GOLGA4: variants seen among roughly 807,000 people sequenced by gnomAD.
GOLGA4 encodes golgin A4.
Under a neutral mutation model 265.9 loss-of-function variants are expected in GOLGA4, and 169 were observed. The ratio of observed to expected loss-of-function variants is 0.64; its 90% CI spans 0.56 to 0.72. The LOEUF is 0.72. GOLGA4 is among the 30% of genes least tolerant of loss of function. The pLI is 0.00. For synonymous variants in GOLGA4, 923 were observed against 855.8 expected (o/e 1.08, Z -1.37); for missense variants, 2,482 against 2,483.4 (o/e 1.00, Z 0.01).
chr3:37,258,928 A>T (rs1489402641), intron 2 of GOLGA4, among the ~76,000 whole-genome samples: 1 of 152,012 alleles, frequency 6.6e-6, no homozygotes, highest in Non-Finnish European at 1.5e-5. Context: ...TTCATAAGAG[A>T]TGCTGGTCTG....
At chr3:37,328,233 GACACACACACAC>G (rs4021346) in intron 14 of GOLGA4, among the ~76,000 whole-genome samples, 171 bp from the exon 15 acceptor site, 11 of 138,530 alleles carry the variant, frequency 7.9e-5, no homozygotes, top group South Asian at 7.3e-4. Flanking sequence ...TATGTACCTG[GACACACACACAC>G]ACACACACAC....
At chr3:37,255,972 C>T (rs1244112889) in intron 2 of GOLGA4, among the ~76,000 whole-genome samples, 1 of 152,088 alleles carries the variant, frequency 6.6e-6, no homozygotes, top group African/African-American at 2.4e-5. Context: ...AAATCCAAGC[C>T]AGTCACAGTG....
chr3:37,288,516 GC>G (rs1314034169), intron 4 of GOLGA4, among the ~76,000 whole-genome samples: 1 of 148,580 alleles, frequency 6.7e-6, no homozygotes, highest in African/African-American at 2.5e-5. Flanking sequence ...TTGCTCTTTC[GC>G]CCAGGCTGGA....
intron 2 of GOLGA4, among the ~76,000 whole-genome samples, chr3:37,271,207 A>C (rs1389893192): frequency 6.6e-6 from 1 of 151,700 alleles, no homozygotes; most frequent in Non-Finnish European, 1.5e-5. Flanking sequence ...ACAGGCTATG[A>C]GTTGATACTG....
chr3:37,339,256 A>G (rs1372288381), intron 19 of GOLGA4, among the ~76,000 whole-genome samples: 1 of 152,228 alleles, frequency 6.6e-6, no homozygotes, highest in East Asian at 1.9e-4. Flanking sequence ...TGGCTGAATA[A>G]TATACCATCG....
At chr3:37,295,279 G>A (rs1171619101) in intron 6 of GOLGA4, among the ~76,000 whole-genome samples, 1 of 151,948 alleles carries the variant, frequency 6.6e-6, no homozygotes, top group Non-Finnish European at 1.5e-5. Context: ...GTGCAGTGGC[G>A]TGATCATAGC....
chr3:37,313,712 C>A (rs572942549), intron 10 of GOLGA4, among the ~76,000 whole-genome samples: 1 of 152,134 alleles, frequency 6.6e-6, no homozygotes, highest in Non-Finnish European at 1.5e-5. Context: ...ATACAACCCA[C>A]ATATATGTAC....
At chr3:37,292,579 G>T (rs542745728) in intron 5 of GOLGA4, among the ~76,000 whole-genome samples, 1 of 152,194 alleles carries the variant, frequency 6.6e-6, no homozygotes, top group African/African-American at 2.4e-5. Flanking sequence ...CCAGCTACTC[G>T]GTAGGCTGAG....
At chr3:37,328,267 C>CAT (rs2096978582) in intron 14 of GOLGA4, 149 bp from the exon 15 acceptor site, 2 of 699,374 alleles carry the variant, frequency 2.9e-6, no homozygotes, top group South Asian at 3.5e-5. Context: ...CACACACACA[C>CAT]ACTCACTCTC....
At chr3:37,270,955 G>A (rs1013141345) in intron 2 of GOLGA4, among the ~76,000 whole-genome samples, 1 of 151,868 alleles carries the variant, frequency 6.6e-6, no homozygotes, top group Non-Finnish European at 1.5e-5. Flanking sequence ...GGTCCCTTCT[G>A]AGGGTGATGG....
intron 6 of GOLGA4, 67 bp downstream of exon 6, chr3:37,295,144 A>G (rs745854443): frequency 4.0e-5 from 36 of 904,096 alleles, no homozygotes; most frequent in South Asian, 3.1e-4. Flanking sequence ...TTTGATTTGG[A>G]TATCTGCAAG....
At position 37,327,496 on chromosome 3, in the gene GOLGA4, T is replaced by C; in HGVS notation, c.5610T>C (p.His1870=). Residue 1870 remains histidine (H), a synonymous_variant, in exon 14 of 24, where the codon CAT becomes CAC. Coordinates refer to ENST00000361924, the MANE Select transcript of GOLGA4 (RefSeq NM_002078.5). ...GCTTAGTAAGACAGAAAGAAGTACA[T>C]AGAGTTGAAATGGAAGAGTTGACCT... ...DSCLVRQKEV[H]RVEMEELTSK... is the part of the protein sequence containing the mutation. 6.2e-7 allele frequency: 1 copy of C among 1,613,132 alleles called. No individual in the cohort carries two copies. Among genetic ancestry groups the C allele is most frequent in the Non-Finnish European group, 8.5e-7 (1 of 1,179,286 alleles).
Position 37,326,933 on chromosome 3 carries a change from G to T in GOLGA4, c.5047G>T (p.Glu1683Ter). 1 of 1,613,864 alleles carries T rather than the reference G, an allele frequency of 6.2e-7. No individual in the cohort carries two copies. ...GAGTGAGCTAAATACAAAATTGCAG[G>T]AAAGAGAAAGGGAAGTTCACATCTT... ...HLSELNTKLQ[E>*]REREVHILEE... The change falls in exon 14 of 24, where the codon GAA (glutamate) becomes TAA (stop). Residue 1683 changes from glutamate (E) to a stop codon, truncating the protein, a stop_gained. Coordinates refer to ENST00000361924, the MANE Select transcript of GOLGA4 (RefSeq NM_002078.5). LOFTEE classifies it high-confidence loss of function.
chr3:37,293,033 A>T (rs1345279780), intron 5 of GOLGA4, among the ~76,000 whole-genome samples: 2 of 152,252 alleles, frequency 1.3e-5, no homozygotes, highest in Non-Finnish European at 2.9e-5. Flanking sequence ...TTGAGAATTA[A>T]TAAGTTTGAA....
chr3:37,339,139 G>C (rs545906221), intron 19 of GOLGA4, among the ~76,000 whole-genome samples: 83 of 152,262 alleles, frequency 5.5e-4, no homozygotes, highest in African/African-American at 1.9e-3. Context: ...TGGGATTACA[G>C]GCATGAGCCA....
At chr3:37,280,535 C>T (rs944938696) in intron 2 of GOLGA4, among the ~76,000 whole-genome samples, 1 of 152,152 alleles carries the variant, frequency 6.6e-6, no homozygotes, top group Non-Finnish European at 1.5e-5. Context: ...TGAAAAAAAT[C>T]TGAAATCCAA....
chr3:37,267,373 A>G (rs529182708), intron 2 of GOLGA4, among the ~76,000 whole-genome samples: 1 of 152,380 alleles, frequency 6.6e-6, no homozygotes, highest in East Asian at 1.9e-4. Flanking sequence ...ATTAAACAGC[A>G]TTGAATAGGT....
At chr3:37,305,291 A>G (rs1182700351) in intron 10 of GOLGA4, among the ~76,000 whole-genome samples, 1 of 152,164 alleles carries the variant, frequency 6.6e-6, no homozygotes, top group African/African-American at 2.4e-5. Context: ...GCTTTTATAG[A>G]TTTCTTAAAA....
intron 2 of GOLGA4, among the ~76,000 whole-genome samples, chr3:37,275,351 GTGGGAAC>G (rs202065359): frequency 0.022 from 3,293 of 151,560 alleles, 94 homozygotes; most frequent in African/African-American, 0.064. Context: ...TGGTCAGGTT[GTGGGAAC>G]AGCCCAAGTC....
Sources: allele counts gnomAD v4.1 joint callset (sites outside exome capture counted in the v4.1 genomes callset), GRCh38; gene constraint gnomAD v4.1.1; transcripts MANE v1.5; gene names NCBI Gene and HGNC (gene_info 2026-07-23, HGNC 2026-07-21).